ZHX2: variants seen among roughly 807,000 people sequenced by gnomAD.
ZHX2 encodes the protein zinc fingers and homeoboxes 2, also known as zinc fingers and homeoboxes protein 2.
Under a neutral mutation model 21.9 loss-of-function variants are expected in ZHX2, and 6 were observed. The observed-to-expected ratio is 0.27, with a 90% confidence interval of 0.15 to 0.54. The LOEUF (loss-of-function observed/expected upper bound fraction) is 0.54. Among genes scored for constraint, ZHX2 ranks in the 20% least tolerant of loss-of-function variants. The pLI is 0.95. For missense variants in ZHX2, 908 were observed against 1,090.7 expected, an observed-to-expected ratio of 0.83 and a Z score of 2.36; for synonymous variants, 434 against 437.1, an observed-to-expected ratio of 0.99 and a Z score of 0.09.
intron 3 of ZHX2, among the ~76,000 whole-genome samples, chr8:122,970,682 A>G (rs1813698024): frequency 6.6e-6 from 1 of 152,172 alleles, no homozygotes; most frequent in African/African-American, 2.4e-5. Flanking sequence ...GGAAGTGTTC[A>G]GGGGGACATC....
chr8:122,950,030 G>A (rs896845167), intron 2 of ZHX2, among the ~76,000 whole-genome samples: 3 of 152,150 alleles, frequency 2.0e-5, no homozygotes, highest in African/African-American at 7.2e-5. Flanking sequence ...GGATCCAGCT[G>A]TATAGGCTGG....
chr8:122,822,211 AT>A (rs1204783166), intron 1 of ZHX2, among the ~76,000 whole-genome samples: 2 of 152,118 alleles, frequency 1.3e-5, no homozygotes, highest in Admixed American at 1.3e-4. Flanking sequence ...TTACCCCACG[AT>A]TTTAGTGCTA....
chr8:122,782,615 G>A lies in ZHX2; in HGVS notation c.-283+669G>A, dbSNP rs1185939205. The stretch of plus-strand genomic sequence containing the variant: ...GCTGCCTCTGCTCTCGTCGCTCCCG[G>A]CGGCTGCAGGCAGCGGGCGCGCAGC... On this transcript the variant is annotated intron_variant, in intron 1 of 3. Coordinates refer to ENST00000314393, the MANE Select transcript of ZHX2 (RefSeq NM_014943.5). This position sits in a 1 kb window ranked among gnomAD's most constrained non-coding sequence, Gnocchi z 5.3. 6.6e-6 allele frequency among the ~76,000 whole-genome samples: 1 copy of A among 152,186 alleles called. No homozygotes were observed. Among genetic ancestry groups the A allele is most frequent in the Non-Finnish European group, 1.5e-5 (1 of 68,010 alleles).
At chr8:122,797,617 A>G (rs935294492) in intron 1 of ZHX2, among the ~76,000 whole-genome samples, 2 of 106,418 alleles carry the variant, frequency 1.9e-5, no homozygotes, top group African/African-American at 6.3e-5. Flanking sequence ...GCTTCCTGAC[A>G]CTTAGTCAGC....
At chr8:122,827,576 A>C (rs1818288837) in intron 1 of ZHX2, among the ~76,000 whole-genome samples, 1 of 152,194 alleles carries the variant, frequency 6.6e-6, no homozygotes. Flanking sequence ...AACAGACCCA[A>C]GGTTACCCAG....
In ZHX2 at chr8:122,873,278, T is replaced by C. The variant is rs146129491; in HGVS notation, c.-220+9739T>C. 5.9e-5 allele frequency among the ~76,000 whole-genome samples: 9 copies of C among 152,252 alleles called. No individual in the cohort carries two copies. In the East Asian group the frequency reaches 1.5e-3, roughly 26 times the overall value. ...GCTGGCCTTTGTGGCCCAGAACACA[T>C]GTGAGAGTGAAGGCTAGGCAGTGGA... On this transcript the variant is annotated intron_variant, in intron 2 of 3. Coordinates refer to ENST00000314393, the MANE Select transcript of ZHX2 (RefSeq NM_014943.5).
chr8:122,930,644 G>GTTT (rs78138664), intron 2 of ZHX2, among the ~76,000 whole-genome samples: 5 of 141,644 alleles, frequency 3.5e-5, no homozygotes, highest in Non-Finnish European at 6.2e-5. Flanking sequence ...GCTAATTTTT[G>GTTT]TTTTTTTTTT....
At chr8:122,941,406 T>C (rs1213429324) in intron 2 of ZHX2, among the ~76,000 whole-genome samples, 1 of 152,202 alleles carries the variant, frequency 6.6e-6, no homozygotes. Context: ...AACAGGAAAT[T>C]GCTTCTTACG....
intron 1 of ZHX2, among the ~76,000 whole-genome samples, chr8:122,786,754 G>A (rs1211405770): frequency 6.6e-6 from 1 of 150,572 alleles, no homozygotes; most frequent in African/African-American, 2.4e-5. Flanking sequence ...TCATTTTGTG[G>A]CAAGTCCGTA....
chr8:122,834,844 C>T (rs890382384), intron 1 of ZHX2, among the ~76,000 whole-genome samples: 5 of 152,142 alleles, frequency 3.3e-5, no homozygotes, highest in Non-Finnish European at 5.9e-5. Flanking sequence ...CATAGTTTAC[C>T]GCTTTATGGG....
intron 1 of ZHX2, among the ~76,000 whole-genome samples, chr8:122,835,034 CG>C (rs531633315): frequency 6.1e-4 from 93 of 152,250 alleles, no homozygotes; most frequent in South Asian, 1.5e-3. Context: ...AGTCCAGATA[CG>C]GTCTTGGTCT....
chr8:122,883,086 T>C (rs28378379), intron 2 of ZHX2, among the ~76,000 whole-genome samples: 92,630 of 151,986 alleles, frequency 0.61, 29,604 homozygotes, highest in African/African-American at 0.8. Context: ...TTTTCTCTGG[T>C]GATCCAAACC....
At chr8:122,887,912 T>C (rs1255704887) in intron 2 of ZHX2, among the ~76,000 whole-genome samples, 1 of 151,758 alleles carries the variant, frequency 6.6e-6, no homozygotes, top group African/African-American at 2.4e-5. Context: ...CAGGGGACAG[T>C]GTGCAGCATG....
At chr8:122,972,624 A>G (rs1261642111) in intron 3 of ZHX2, among the ~76,000 whole-genome samples, 1 of 152,176 alleles carries the variant, frequency 6.6e-6, no homozygotes, top group Non-Finnish European at 1.5e-5. Context: ...TCTATATCCT[A>G]CCACGTTTGG....
chr8:122,816,075 G>A (rs540327677), intron 1 of ZHX2, among the ~76,000 whole-genome samples: 178 of 102,438 alleles, frequency 1.7e-3, no homozygotes, highest in South Asian at 0.015. Flanking sequence ...GCAAGACTCC[G>A]TCTCAAAAAA....
At chr8:122,865,906 A>G (rs1392753045) in intron 2 of ZHX2, among the ~76,000 whole-genome samples, 1 of 152,170 alleles carries the variant, frequency 6.6e-6, no homozygotes, top group Admixed American at 6.5e-5. Flanking sequence ...ACCGGTTAGC[A>G]CATCCTCTAA....
At position 122,953,009 on chromosome 8, in the gene ZHX2, A is replaced by G. The variant is rs1025174237; in HGVS notation, c.1499A>G (p.His500Arg). Residue 500 changes from histidine to arginine, a missense_variant, in exon 3 of 4, where the codon CAC (histidine) becomes CGC (arginine). His to Arg is a conservative substitution (Grantham distance 29). Around this residue, in one of 4 missense-constraint regions of ZHX2, gnomAD observed 232 missense variants for 361.8 expected, o/e 0.64. Transcript: ENST00000314393. This position sits in a 1 kb window ranked among gnomAD's most constrained non-coding sequence, Gnocchi z 4.6. ...HRYRCQRGIV[H>R]ITSESLAKDQ... The stretch of plus-strand genomic sequence containing the variant: ...TATCGGTGTCAAAGGGGCATCGTCC[A>G]CATCACCAGCGAATCCCTTGCCAAA... 6.2e-7 allele frequency: 1 copy of G among 1,614,034 alleles called. No individual in the cohort carries two copies. Among genetic ancestry groups the G allele is most frequent in the Non-Finnish European group, 8.5e-7 (1 of 1,180,018 alleles).
At chr8:122,832,662 G>T (rs536611148) in intron 1 of ZHX2, among the ~76,000 whole-genome samples, 5 of 152,122 alleles carry the variant, frequency 3.3e-5, no homozygotes, top group Non-Finnish European at 7.3e-5. Flanking sequence ...GCGAAGGAGG[G>T]AACCCAGAGC....
Position 122,957,458 on chromosome 8 carries a change from A to ATTGTTTTGTT in ZHX2, c.*4+3449_*4+3458dup, listed in dbSNP as rs34465971. ...TGGCTCCCTGATATTTTGGAGGTCCATTGTTTTGTTTTGTTTTGTTTTGTT... is the reference window on the plus strand; with the variant it reads ...TGGCTCCCTGATATTTTGGAGGTCCATTGTTTTGTTTTGTTTTGTTTTGTTTTGTTTTGTT... On this transcript the variant is annotated intron_variant, in intron 3 of 3. Coordinates refer to ENST00000314393, the MANE Select transcript of ZHX2 (RefSeq NM_014943.5). Among the ~76,000 whole-genome samples, 1,285 of 149,952 alleles carry ATTGTTTTGTT rather than the reference A, an allele frequency of 8.6e-3. 57 individuals are homozygous for ATTGTTTTGTT. The highest frequency in any genetic ancestry group is 0.072 in the Admixed American group (1,085 of 15,032).
Sources: gnomAD v4.1 joint callset for allele counts (sites outside exome capture counted in the v4.1 genomes callset) on GRCh38, gnomAD v4.1.1 for gene constraint, gnomAD v4.1.1 regional missense constraint, Gnocchi (gnomAD v3.1) non-coding constraint, MANE v1.5 for transcripts, NCBI Gene and HGNC (gene_info 2026-07-23, HGNC 2026-07-21) for gene names.